The following PLXNA4 variants were observed in gnomAD, a reference collection of about 807,000 sequenced individuals.
The protein encoded by PLXNA4 is plexin A4.
In PLXNA4, 44 loss-of-function variants were observed where a neutral mutation model predicts 191.8. The observed-to-expected ratio is 0.23, with a 90% CI of 0.18 to 0.29. The LOEUF is 0.29. PLXNA4 is among the 10% of genes least tolerant of loss of function. The pLI, the probability that PLXNA4 is intolerant of heterozygous loss-of-function variation, is 1.00. For missense variants in PLXNA4, 1,800 were observed against 2,488.8 expected (o/e 0.72, Z 5.89); for synonymous variants, 1,082 against 1,009.5 (o/e 1.07, Z -1.36).
At chr7:132,407,664 C>T (rs1170566503) in intron 3 of PLXNA4, among the ~76,000 whole-genome samples, 1 of 152,160 alleles carries the variant, frequency 6.6e-6, no homozygotes, top group African/African-American at 2.4e-5. Context: ...GGGTGGGCAT[C>T]AGTTTGAGGG....
intron 30 of PLXNA4, among the ~76,000 whole-genome samples, chr7:132,133,460 A>G (rs576314854): frequency 2.0e-5 from 3 of 152,306 alleles, no homozygotes; most frequent in African/African-American, 7.2e-5. Context: ...ACAGGAGAGG[A>G]ACCGAGAGCC....
intron 12 of PLXNA4, among the ~76,000 whole-genome samples, chr7:132,199,200 G>A (rs890756089): frequency 2.0e-5 from 3 of 152,128 alleles, no homozygotes; most frequent in East Asian, 3.9e-4. Context: ...CTCCTCCTCC[G>A]ATCCTGAGTC....
intron 3 of PLXNA4, among the ~76,000 whole-genome samples, chr7:132,395,420 G>T (rs1290237831): frequency 6.6e-6 from 1 of 152,238 alleles, no homozygotes; most frequent in Non-Finnish European, 1.5e-5. Flanking sequence ...AACCTTGGGA[G>T]GGACCCCAGA....
At chr7:132,176,904 G>A (rs921865358) in intron 20 of PLXNA4, among the ~76,000 whole-genome samples, 2 of 151,994 alleles carry the variant, frequency 1.3e-5, no homozygotes, top group East Asian at 3.9e-4. Flanking sequence ...GCACGCATGT[G>A]TGAATGTGAG....
intron 3 of PLXNA4, among the ~76,000 whole-genome samples, chr7:132,484,453 T>G (rs1797461491): frequency 6.6e-6 from 1 of 152,170 alleles, no homozygotes; most frequent in African/African-American, 2.4e-5. Flanking sequence ...TCTATGCAGG[T>G]TTAATATTTG....
At chr7:132,230,887 G>A (rs1042669451) in intron 5 of PLXNA4, among the ~76,000 whole-genome samples, 12 of 152,192 alleles carry the variant, frequency 7.9e-5, no homozygotes, top group Admixed American at 7.2e-4. Context: ...ATCACCTGGA[G>A]TTACCAAATA....
At chr7:132,413,418 C>G (rs1480423141) in intron 3 of PLXNA4, among the ~76,000 whole-genome samples, 1 of 152,174 alleles carries the variant, frequency 6.6e-6, no homozygotes, top group Non-Finnish European at 1.5e-5. Flanking sequence ...GACCCTGGAG[C>G]CAGGGGGCTG....
At position 132,423,594 on chromosome 7, in the gene PLXNA4, C is replaced by T. The variant is rs60627610; in HGVS notation, c.1371+65698G>A. 8.1e-3 allele frequency among the ~76,000 whole-genome samples: 1,237 copies of T among 152,296 alleles called. 15 individuals carry two copies. Among genetic ancestry groups the T allele is most frequent in the African/African-American group, 0.028 (1,162 of 41,560 alleles). On this transcript the variant is annotated intron_variant, in intron 3 of 31. Coordinates refer to ENST00000321063, the MANE Select transcript of PLXNA4 (RefSeq NM_020911.2). Reference sequence around the variant, plus strand: ...TCATGAAGCCAAAGAGGGGAAGTGACATCCTTAATAAAAGCTCATTTCAGC... The same window carrying T: ...TCATGAAGCCAAAGAGGGGAAGTGATATCCTTAATAAAAGCTCATTTCAGC...
intron 2 of PLXNA4, among the ~76,000 whole-genome samples, chr7:132,632,602 C>T (rs577491356): frequency 1.6e-4 from 24 of 152,170 alleles, no homozygotes; most frequent in Non-Finnish European, 3.4e-4. Context: ...TTTCACCTGC[C>T]AAGAAAATTT....
At chr7:132,484,947 C>G (rs756500651) in intron 3 of PLXNA4, 1 of 1,614,160 alleles carries the variant, frequency 6.2e-7, no homozygotes, top group Non-Finnish European at 8.5e-7. Context: ...ATGTTCGCCC[C>G]AGGTGGGTCT....
At chr7:132,180,559 T>A in intron 19 of PLXNA4, 27 bp downstream of exon 19, 1 of 1,613,860 alleles carries the variant, frequency 6.2e-7, no homozygotes, top group Non-Finnish European at 8.5e-7. Flanking sequence ...GCCCGCTCCA[T>A]CCAGGATGGG....
At chr7:132,409,087 C>T (rs1292535538) in intron 3 of PLXNA4, among the ~76,000 whole-genome samples, 1 of 152,182 alleles carries the variant, frequency 6.6e-6, no homozygotes, top group Admixed American at 6.5e-5. Flanking sequence ...GAAGATGCAG[C>T]TGTTCTTTTA....
chr7:132,211,109 A>C lies in PLXNA4; in HGVS notation c.2132T>G (p.Leu711Arg). ...AGGCTTGATCACCTCCACGGGCACC[A>C]GGATCTTGTCCACTCGCAGCAGCTG... The part of the protein sequence containing the change: ...CPQLLRVDKI[L>R]VPVEVIKPIT... Residue 711 changes from leucine to arginine, a missense_variant, in exon 10 of 32, where the codon CTG becomes CGG. Around this residue, in one of 6 missense-constraint regions of PLXNA4, gnomAD observed 1,397 missense variants for 1,880.4 expected, o/e 0.74. Transcript: ENST00000321063. 6.3e-7 allele frequency: 1 copy of C among 1,575,084 alleles called. No homozygotes were observed. The highest frequency in any genetic ancestry group is 8.6e-7 in the Non-Finnish European group (1 of 1,159,880).
chr7:132,296,750 G>A (rs1801097419), intron 4 of PLXNA4, among the ~76,000 whole-genome samples: 1 of 152,112 alleles, frequency 6.6e-6, no homozygotes. Flanking sequence ...CCTCAGAGGT[G>A]GGCTTGGAGT....
intron 3 of PLXNA4, among the ~76,000 whole-genome samples, chr7:132,397,168 G>A (rs1368490275): frequency 6.6e-6 from 1 of 152,236 alleles, no homozygotes; most frequent in Non-Finnish European, 1.5e-5. Flanking sequence ...GCAGGAACCA[G>A]CATGAATGAA....
chr7:132,198,515 G>A lies in PLXNA4; in HGVS notation c.2708C>T (p.Pro903Leu). The A allele has an allele frequency of 6.2e-7, 1 of 1,614,192 alleles. No individual in the cohort carries two copies. Among genetic ancestry groups the A allele is most frequent in the Non-Finnish European group, 8.5e-7 (1 of 1,180,038 alleles). The stretch of plus-strand genomic sequence containing the variant: ...TGCAGGGATGTAACCATCCACTAAA[G>A]GGCTGCACTCCACGCCAGCAACCTT... ...HVKVAGVECS[P>L]LVDGYIPAEQ... The change falls in exon 13 of 32, where the codon CCT becomes CTT. Residue 903 changes from proline to leucine, a missense_variant. Pro to Leu is a moderately conservative substitution (Grantham distance 98). This residue lies in a region of PLXNA4 where 1,397 missense variants were observed against 1,880.4 expected (regional missense o/e 0.74). Transcript: ENST00000321063.
chr7:132,612,015 G>T (rs775245470), intron 2 of PLXNA4, among the ~76,000 whole-genome samples: 93 of 152,316 alleles, frequency 6.1e-4, no homozygotes, highest in Middle Eastern at 3.4e-3. Flanking sequence ...AAGGTCATCA[G>T]TAGGTCAAGA....
At chr7:132,263,192 C>G (rs1359677822) in intron 4 of PLXNA4, among the ~76,000 whole-genome samples, 1 of 152,178 alleles carries the variant, frequency 6.6e-6, no homozygotes, top group Non-Finnish European at 1.5e-5. Context: ...ATCTAGTTGG[C>G]AGAGATGCAA....
intron 3 of PLXNA4, chr7:132,385,435 G>T: frequency 1.6e-6 from 2 of 1,274,170 alleles, no homozygotes; most frequent in Non-Finnish European, 2.1e-6. Flanking sequence ...ATTACAAAAT[G>T]TATTAAGAGC....
Sources: allele counts gnomAD v4.1 joint callset (sites outside exome capture counted in the v4.1 genomes callset), GRCh38; gene constraint gnomAD v4.1.1; regional missense constraint gnomAD v4.1.1; transcripts MANE v1.5; gene names NCBI Gene and HGNC (gene_info 2026-07-23, HGNC 2026-07-21).